The following ITPR2 variants were observed in gnomAD, a reference collection of about 807,000 sequenced individuals.
ITPR2 encodes inositol 1,4,5-trisphosphate receptor type 2.
Under a neutral mutation model 317.1 loss-of-function variants are expected in ITPR2, and 207 were observed. The ratio of observed to expected loss-of-function variants is 0.65; its 90% CI spans 0.58 to 0.73. ITPR2 has a LOEUF of 0.73. ITPR2 is among the 30% of genes least tolerant of loss of function. The pLI is 0.00. For missense variants in ITPR2, 2,613 were observed against 3,284.0 expected, an observed-to-expected ratio of 0.80 and a Z score of 4.99; for synonymous variants, 1,156 against 1,149.1, an observed-to-expected ratio of 1.01 and a Z score of -0.12.
chr12:26,447,806 T>C (rs1941642937), intron 45 of ITPR2, among the ~76,000 whole-genome samples: 1 of 152,016 alleles, frequency 6.6e-6, no homozygotes, highest in Non-Finnish European at 1.5e-5. Context: ...CAATACAATG[T>C]CTTAGAGACC....
At chr12:26,360,455 C>T (rs10842721) in intron 55 of ITPR2, among the ~76,000 whole-genome samples, 29,161 of 152,086 alleles carry the variant, frequency 0.19, 3,723 homozygotes, top group East Asian at 0.47. Context: ...GAAGCCTTGC[C>T]CTGAGAGCCG....
At position 26,494,149 on chromosome 12, in the gene ITPR2, G is replaced by C. The variant is rs1591828716; in HGVS notation, c.5370+4C>G. 8.7e-6 allele frequency: 14 copies of C among 1,603,756 alleles called. No homozygotes were observed. In the East Asian group the frequency reaches 3.2e-4, roughly 36 times the overall value. Reference sequence around the variant, plus strand: ...TGTAATCCCCATGATTGATGAACAAGTACCTGTGTTTGTGTATTTCCTCCT... The same window carrying C: ...TGTAATCCCCATGATTGATGAACAACTACCTGTGTTTGTGTATTTCCTCCT... On this transcript the variant is annotated splice_donor_region_variant and intron_variant, in intron 39 of 56. Coordinates refer to ENST00000381340, the MANE Select transcript of ITPR2 (RefSeq NM_002223.4).
intron 34 of ITPR2, among the ~76,000 whole-genome samples, chr12:26,569,279 C>T (rs916989223): frequency 7.9e-5 from 12 of 151,900 alleles, no homozygotes; most frequent in Non-Finnish European, 4.4e-5. Flanking sequence ...ATATGGTGGG[C>T]ACGGTGGTTC....
intron 37 of ITPR2, among the ~76,000 whole-genome samples, chr12:26,531,825 ATACT>A (rs1943954513): frequency 6.6e-6 from 1 of 152,224 alleles, no homozygotes; most frequent in African/African-American, 2.4e-5. Flanking sequence ...TATGGAATAG[ATACT>A]TGCTTGAGGA....
intron 26 of ITPR2, among the ~76,000 whole-genome samples, chr12:26,614,007 T>C (rs969206194): frequency 5.3e-5 from 8 of 152,070 alleles, no homozygotes; most frequent in African/African-American, 1.9e-4. Context: ...TGTGGGTTCA[T>C]GACAATAAAA....
chr12:26,401,809 T>C (rs2277349), intron 52 of ITPR2, among the ~76,000 whole-genome samples: 89,334 of 152,142 alleles, frequency 0.59, 27,190 homozygotes, highest in African/African-American at 0.73. Flanking sequence ...ATTTTAACAT[T>C]CTATGGATAA....
chr12:26,342,602 TTTTGTTTG>T (rs555336392), intron 55 of ITPR2, among the ~76,000 whole-genome samples: 5 of 151,762 alleles, frequency 3.3e-5, no homozygotes, highest in South Asian at 2.1e-4. Flanking sequence ...TGTTTTTGTT[TTTTGTTTG>T]TTTGTTTGTT....
intron 18 of ITPR2, among the ~76,000 whole-genome samples, chr12:26,657,294 C>T (rs1449564): frequency 0.13 from 20,043 of 152,242 alleles, 1,698 homozygotes; most frequent in Non-Finnish European, 0.19. Context: ...TAGGTCACCA[C>T]ATATTCATAA....
In ITPR2 at chr12:26,621,199, C is replaced by T; in HGVS notation, c.3386G>A (p.Trp1129Ter). The T allele has an allele frequency of 6.2e-7, 1 of 1,613,938 alleles. No individual in the cohort carries two copies. The highest frequency in any genetic ancestry group is 8.5e-7 in the Non-Finnish European group (1 of 1,179,866). ...LRLTVEKSEL[W>*]VEKSSNYENG... is the part of the protein sequence containing the mutation. ...CTCATAGTTGCTGCTCTTCTCCACC[C>T]ATAGCTCAGACTTTTCTACTGTCAG... Residue 1129 changes from tryptophan (W) to a stop codon, truncating the protein, a stop_gained, in exon 26 of 57, where the codon TGG becomes TAG. Transcript: ENST00000381340. LOFTEE classifies it high-confidence loss of function.
chr12:26,634,140 G>A (rs762889689), intron 21 of ITPR2, among the ~76,000 whole-genome samples: 8 of 152,194 alleles, frequency 5.3e-5, no homozygotes, highest in African/African-American at 7.2e-5. Flanking sequence ...ACATTTCCAT[G>A]TATGGCCAGC....
chr12:26,734,726 G>C (rs1395664555), intron 2 of ITPR2, among the ~76,000 whole-genome samples: 1 of 151,766 alleles, frequency 6.6e-6, no homozygotes, highest in East Asian at 1.9e-4. Flanking sequence ...TCATTGTCCT[G>C]GTACTGAATT....
At chr12:26,573,113 C>T (rs977290060) in intron 34 of ITPR2, among the ~76,000 whole-genome samples, 1 of 151,964 alleles carries the variant, frequency 6.6e-6, no homozygotes, top group African/African-American at 2.4e-5. Context: ...AAGCTGCGAA[C>T]TCCTGGGCAG....
At chr12:26,643,640 G>T (rs577913309) in intron 21 of ITPR2, among the ~76,000 whole-genome samples, 1 of 152,160 alleles carries the variant, frequency 6.6e-6, no homozygotes, top group Non-Finnish European at 1.5e-5. Context: ...CATCTTACTG[G>T]AAACTACAGA....
At chr12:26,455,989 C>T (rs1336579648) in intron 45 of ITPR2, among the ~76,000 whole-genome samples, 1 of 152,194 alleles carries the variant, frequency 6.6e-6, no homozygotes, top group Non-Finnish European at 1.5e-5. Context: ...TCTCCTATGA[C>T]CTAAGCCATC....
At chr12:26,407,636 TTTTGG>T (rs1359919199) in intron 52 of ITPR2, among the ~76,000 whole-genome samples, 2 of 152,204 alleles carry the variant, frequency 1.3e-5, no homozygotes, top group Admixed American at 1.3e-4. Context: ...TGATCTCAAA[TTTTGG>T]TTAGGGAAGA....
At chr12:26,363,289 C>T (rs1039944759) in intron 55 of ITPR2, among the ~76,000 whole-genome samples, 1 of 152,218 alleles carries the variant, frequency 6.6e-6, no homozygotes. Flanking sequence ...CCATCACCCC[C>T]AGATGGGACT....
At chr12:26,825,734 A>G (rs1198946703) in intron 1 of ITPR2, among the ~76,000 whole-genome samples, 2 of 152,216 alleles carry the variant, frequency 1.3e-5, no homozygotes, top group African/African-American at 4.8e-5. Context: ...GGTTTAAGAA[A>G]TAGTCACCCT....
Position 26,349,067 on chromosome 12 carries a change from G to A in ITPR2, c.7858-8739C>T, listed in dbSNP as rs567205633. Among the ~76,000 whole-genome samples the A allele has an allele frequency of 1.6e-4, 24 of 152,240 alleles. No individual in the cohort carries two copies. In the South Asian group the frequency reaches 3.1e-3, roughly 20 times the overall value. On this transcript the variant is annotated intron_variant, in intron 55 of 56. Transcript: ENST00000381340. ...GGAGGCTGAGGTGGAAGGATCATTCGAGCCTAGAAGGTAGAGACTGTAGTG... is the reference window on the plus strand; with the variant it reads ...GGAGGCTGAGGTGGAAGGATCATTCAAGCCTAGAAGGTAGAGACTGTAGTG...
chr12:26,646,685 G>C (rs1309492303), intron 21 of ITPR2, among the ~76,000 whole-genome samples: 1 of 152,144 alleles, frequency 6.6e-6, no homozygotes, highest in South Asian at 2.1e-4. Context: ...GATAATTCCA[G>C]GCTGTTGTGG....
Sources: gnomAD v4.1 joint callset for allele counts (sites outside exome capture counted in the v4.1 genomes callset) on GRCh38, gnomAD v4.1.1 for gene constraint, MANE v1.5 for transcripts, NCBI Gene and HGNC (gene_info 2026-07-23, HGNC 2026-07-21) for gene names.